PDIA6: variants seen among roughly 807,000 people sequenced by gnomAD.
The protein encoded by PDIA6 is protein disulfide isomerase family A member 6, also known as protein disulfide-isomerase A6.
A neutral mutation model predicts 58.4 loss-of-function variants in PDIA6; 29 were observed. The observed-to-expected ratio is 0.50, with a 90% CI of 0.37 to 0.68. The LOEUF (loss-of-function observed/expected upper bound fraction) is 0.68. Ranked by LOEUF, PDIA6 falls within the 30% of genes least tolerant of loss-of-function variation. PDIA6 has a pLI of 0.00. For synonymous variants in PDIA6, 192 were observed against 202.6 expected (o/e 0.95, Z 0.44); for missense variants, 480 against 551.0 (o/e 0.87, Z 1.29).
chr2:10,791,922 T>G lies in PDIA6; in HGVS notation c.457A>C (p.Arg153=). Residue 153 remains arginine, a synonymous_variant, in exon 6 of 13, where the codon AGA becomes CGA. Coordinates refer to ENST00000272227, the MANE Select transcript of PDIA6 (RefSeq NM_005742.4). ...SGGYSSGKQG[R]SDSSSKKDVI... ...TCCTTCTTACTTGAACTATCACTTCTGCCCTGTCATTTATGACATTAAACA... is the reference window on the plus strand; with the variant it reads ...TCCTTCTTACTTGAACTATCACTTCGGCCCTGTCATTTATGACATTAAACA... 4 of 1,613,032 alleles carry G rather than the reference T, an allele frequency of 2.5e-6. No homozygotes were observed. Among genetic ancestry groups the G allele is most frequent in the Non-Finnish European group, 3.4e-6 (4 of 1,179,772 alleles).
chr2:10,834,838 C>T (rs1667796077), upstream of PDIA6, among the ~76,000 whole-genome samples: 1 of 151,624 alleles, frequency 6.6e-6, no homozygotes, highest in African/African-American at 2.4e-5. Flanking sequence ...GTGATCTTAG[C>T]TCACCGCAAC....
At chr2:10,812,055 C>T (rs1265136903) in intron 1 of PDIA6, among the ~76,000 whole-genome samples, 1 of 151,966 alleles carries the variant, frequency 6.6e-6, no homozygotes, top group African/African-American at 2.4e-5. Flanking sequence ...GGATCACTGG[C>T]GCGCGACACC....
chr2:10,784,817 C>T (rs1244184959), intron 12 of PDIA6, 117 bp downstream of exon 12: 10 of 711,630 alleles, frequency 1.4e-5, no homozygotes, highest in East Asian at 1.1e-4. Flanking sequence ...AAAAGGCCCA[C>T]GGGTGCACCA....
In PDIA6 at chr2:10,788,779, AT is replaced by A; in HGVS notation, c.926-11del. 1 of 1,608,734 alleles carries A rather than the reference AT, an allele frequency of 6.2e-7. No individual in the cohort carries two copies. On this transcript the variant is annotated splice_polypyrimidine_tract_variant and intron_variant, in intron 9 of 12. Coordinates refer to ENST00000272227, the MANE Select transcript of PDIA6 (RefSeq NM_005742.4). ...TTTCTGCCTGCAGCTCCTGATTTAA[AT>A]AGACAAAGTTTTTTAAAGGTAAAGA...
chr2:10,828,964 A>G (rs1354497549), intron 1 of PDIA6, among the ~76,000 whole-genome samples: 3 of 152,090 alleles, frequency 2.0e-5, no homozygotes, highest in African/African-American at 7.2e-5. Context: ...GGGACAGCTG[A>G]TGTATCATCA....
Position 10,810,486 on chromosome 2 carries a change from C to T in PDIA6, c.19+2192G>A, listed in dbSNP as rs556642057. The T allele has an allele frequency of 5.1e-5, 67 of 1,303,298 alleles. No individual in the cohort carries two copies. The East Asian group carries it at 6.6e-4, about 13-fold the overall frequency. The allele number at this position is 1,303,298 out of a possible 1,614,324, so 80.7% of individuals were successfully genotyped here. A position where few individuals can be genotyped will look rare whatever the true frequency, so the allele number is the denominator to read the frequency against. On this transcript the variant is annotated intron_variant, in intron 1 of 12. Transcript: ENST00000272227. ...ATGTCCTTCCCTTTCCGTATAAAGA[C>T]GCTCTTTACTGACAGTATTAAGATA... is the stretch of plus-strand genomic sequence containing the variant.
chr2:10,803,911 G>GGTTTTT (rs1553339551), intron 1 of PDIA6, among the ~76,000 whole-genome samples: 5 of 117,892 alleles, frequency 4.2e-5, no homozygotes, highest in Non-Finnish European at 5.3e-5. Flanking sequence ...TAGTTTTTGT[G>GGTTTTT]TTTTTTTTTT....
chr2:10,797,207 C>T lies in PDIA6; in HGVS notation c.220G>A (p.Asp74Asn), dbSNP rs756552782. ...TCAACTGCACCAACTTTGACAACAT[C>T]CTGTGGAAATGTAAAAGAAATAACA... ...EWKKAATALK[D>N]VVKVGAVDAD... Residue 74 changes from aspartate (D) to asparagine (N), a missense_variant and splice_region_variant, in exon 4 of 13, where the codon GAT becomes AAT. Transcript: ENST00000272227. The T allele has an allele frequency of 6.2e-7, 1 of 1,604,646 alleles. No individual in the cohort carries two copies. The highest frequency in any genetic ancestry group is 1.3e-5 in the African/African-American group (1 of 74,316).
intron 1 of PDIA6, among the ~76,000 whole-genome samples, chr2:10,826,669 G>A (rs1558464767): frequency 6.6e-6 from 1 of 152,032 alleles, no homozygotes; most frequent in African/African-American, 2.4e-5. Context: ...CGAATTATAC[G>A]CTTTAATTGG....
intron 1 of PDIA6, among the ~76,000 whole-genome samples, chr2:10,828,669 A>G (rs1448883357): frequency 6.6e-6 from 1 of 152,198 alleles, no homozygotes; most frequent in African/African-American, 2.4e-5. Flanking sequence ...AGTGTCCCCT[A>G]CCAGCCCCCT....
chr2:10,821,894 G>A (rs1185575774), intron 1 of PDIA6, among the ~76,000 whole-genome samples: 1 of 151,844 alleles, frequency 6.6e-6, no homozygotes, highest in South Asian at 2.1e-4. Context: ...AAAGTTTTGG[G>A]ATTACAGGCT....
intron 3 of PDIA6, 49 bp from the exon 4 acceptor site, chr2:10,797,256 C>T (rs1207653313): frequency 6.3e-7 from 1 of 1,579,192 alleles, no homozygotes; most frequent in Non-Finnish European, 8.6e-7. Context: ...CTAAAGCAGA[C>T]TCCACAAGAA....
intron 1 of PDIA6, among the ~76,000 whole-genome samples, chr2:10,806,624 A>AAGAC (rs1188648071): frequency 1.4e-4 from 20 of 139,750 alleles, no homozygotes; most frequent in Non-Finnish European, 2.4e-4. Flanking sequence ...CTAAAAAATA[A>AAGAC]AGACAGAAAG....
chr2:10,793,125 G>T lies in PDIA6; in HGVS notation c.424C>A (p.Arg142=). 5.0e-6 allele frequency: 8 copies of T among 1,613,582 alleles called. No homozygotes were observed. Among genetic ancestry groups the T allele is most frequent in the Non-Finnish European group, 6.8e-6 (8 of 1,179,536 alleles). ...RQLVKDRLGG[R]SGGYSSGKQG... ...TTTCCAGAACTGTATCCTCCGCTCCGTCCCCCGAGGCGATCCTTCACGAGC... is the reference window on the plus strand; with the variant it reads ...TTTCCAGAACTGTATCCTCCGCTCCTTCCCCCGAGGCGATCCTTCACGAGC... The change falls in exon 5 of 13, where the codon CGG becomes AGG. Residue 142 remains arginine (R), a synonymous_variant. Transcript: ENST00000272227.
chr2:10,818,892 C>T (rs1332913138), intron 2 of PDIA6, among the ~76,000 whole-genome samples: 32 of 152,044 alleles, frequency 2.1e-4, no homozygotes. Flanking sequence ...CCTTCATCTC[C>T]AGAGCTTTTT....
intron 1 of PDIA6, among the ~76,000 whole-genome samples, chr2:10,802,845 C>T (rs969311700): frequency 2.6e-5 from 4 of 152,174 alleles, no homozygotes; most frequent in East Asian, 1.9e-4. Context: ...AAGGAACGGA[C>T]GGTCCCCACT....
At chr2:10,828,056 C>T (rs1397237034) in intron 1 of PDIA6, among the ~76,000 whole-genome samples, 1 of 152,050 alleles carries the variant, frequency 6.6e-6, no homozygotes, top group Non-Finnish European at 1.5e-5. Flanking sequence ...CTATCAACAT[C>T]CCACACCGCA....
rs149768142 is a variant in PDIA6 at position 10,790,744 on chromosome 2, T to C, written c.674A>G (p.Asn225Ser). 3.3e-5 allele frequency: 54 copies of C among 1,613,732 alleles called. 1 individual carries two copies. The highest frequency in any genetic ancestry group is 2.1e-4 in the South Asian group (19 of 91,078). The change falls in exon 7 of 13, where the codon AAT becomes AGT. Residue 225 changes from asparagine (N) to serine (S), a missense_variant. Transcript: ENST00000272227. ...CCCGTATCGGGAGGCCAGAACCTGA[T>C]TGACTGTAGCATCCACAGCTGCCAG... ...VKLAAVDATV[N>S]QVLASRYGIR... is the part of the protein sequence containing the mutation.
Position 10,785,003 on chromosome 2 carries a change from C to G in PDIA6, c.1185G>C (p.Thr395=), listed in dbSNP as rs201556867. The G allele has an allele frequency of 6.3e-7, 1 of 1,583,344 alleles. No individual in the cohort carries two copies. The highest frequency in any genetic ancestry group is 8.6e-7 in the Non-Finnish European group (1 of 1,163,102). ...GGAAAGCCCCGCCTCCTACAGGTGC[C>G]GTGGAGCCACGCCCAAAAGAGAGCT... is the stretch of plus-strand genomic sequence containing the variant. ...LRELSFGRGS[T]APVGGGAFPT... is the part of the protein sequence containing the mutation. The change falls in exon 12 of 13, where the codon ACG becomes ACC. Residue 395 remains threonine (T), a synonymous_variant. Transcript: ENST00000272227.
Sources: gnomAD v4.1 joint callset for allele counts (sites outside exome capture counted in the v4.1 genomes callset) on GRCh38, gnomAD v4.1.1 for gene constraint, MANE v1.5 for transcripts, NCBI Gene and HGNC (gene_info 2026-07-23, HGNC 2026-07-21) for gene names.